NWD2: variants seen among roughly 807,000 people sequenced by gnomAD.
The protein encoded by NWD2 is NACHT and WD repeat domain-containing protein 2.
In NWD2, 37 loss-of-function variants were observed where a neutral mutation model predicts 132.7. The observed-to-expected ratio is 0.28, with a 90% CI of 0.21 to 0.37. The LOEUF is 0.37. NWD2 is among the 10% of genes least tolerant of loss of function. The pLI, the probability that NWD2 is intolerant of heterozygous loss-of-function variation, is 1.00. For missense variants in NWD2, 1,592 were observed against 2,122.4 expected, an observed-to-expected ratio of 0.75 and a Z score of 4.91; for synonymous variants, 705 against 803.0, an observed-to-expected ratio of 0.88 and a Z score of 2.06.
chr4:37,356,346 C>A lies in NWD2; in HGVS notation c.241-20C>A. The stretch of plus-strand genomic sequence containing the variant: ...CAAAGCCCACATGTAAACTAATGCT[C>A]TTCATCCATCTGTCCCCAGGTCATA... On this transcript the variant is annotated intron_variant, in intron 2 of 6. Transcript: ENST00000309447. 7.5e-7 allele frequency: 1 copy of A among 1,338,866 alleles called. No individual in the cohort carries two copies. Among genetic ancestry groups the A allele is most frequent in the Non-Finnish European group, 1.0e-6 (1 of 974,184 alleles). The allele number at this position is 1,338,866 out of a possible 1,614,324, so 82.9% of individuals were successfully genotyped here.
chr4:37,375,828 A>G (rs1335120712), intron 3 of NWD2, among the ~76,000 whole-genome samples: 1 of 152,186 alleles, frequency 6.6e-6, no homozygotes, highest in Middle Eastern at 3.4e-3. Context: ...CGGCCTCCCA[A>G]AGTGCTGGGA....
In NWD2 at chr4:37,445,988, C is replaced by G; in HGVS notation, c.4000C>G (p.Leu1334Val). Residue 1334 changes from leucine to valine, a missense_variant, in exon 7 of 7, where the codon CTG becomes GTG. Leu to Val is a conservative substitution (Grantham distance 32). This residue lies in a region of NWD2 where 1,071 missense variants were observed against 1,398.0 expected (regional missense o/e 0.77). Transcript: ENST00000309447. This position sits in a 1 kb window ranked among gnomAD's most constrained non-coding sequence, Gnocchi z 4.7. ...LPARGEIIYS[L>V]DGSDCVHKWN... The stretch of plus-strand genomic sequence containing the variant: ...TGCTAGAGGGGAAATCATTTACTCC[C>G]TGGATGGATCCGATTGTGTTCATAA... 6.4e-7 allele frequency: 1 copy of G among 1,551,678 alleles called. No individual in the cohort carries two copies. Among genetic ancestry groups the G allele is most frequent in the Non-Finnish European group, 8.7e-7 (1 of 1,147,000 alleles).
intron 1 of NWD2, among the ~76,000 whole-genome samples, chr4:37,290,624 C>G (rs1718339676): frequency 6.6e-6 from 1 of 152,090 alleles, no homozygotes; most frequent in Non-Finnish European, 1.5e-5. Context: ...AGTAGTTAGA[C>G]CACAGATGTG....
chr4:37,439,446 G>T lies in NWD2; in HGVS notation c.1296+56G>T. On this transcript the variant is annotated intron_variant, in intron 6 of 6. Transcript: ENST00000309447. The surrounding 1 kb of genome is among the most constrained non-coding windows in gnomAD (Gnocchi z 4.5). ...GTAAAAACTTGTACTTTTGGAAAATGGTAAATTAATCAAATTCATTTCTAC... is the reference window on the plus strand; with the variant it reads ...GTAAAAACTTGTACTTTTGGAAAATTGTAAATTAATCAAATTCATTTCTAC... 3 of 1,162,162 alleles carry T rather than the reference G, an allele frequency of 2.6e-6. No individual in the cohort carries two copies. The highest frequency in any genetic ancestry group is 2.6e-5 in the East Asian group (1 of 38,144). The allele number at this position is 1,162,162 out of a possible 1,614,324, so 72.0% of individuals were successfully genotyped here.
intron 1 of NWD2, among the ~76,000 whole-genome samples, chr4:37,248,575 T>A (rs1717290545): frequency 6.6e-6 from 1 of 152,234 alleles, no homozygotes; most frequent in South Asian, 2.1e-4. Flanking sequence ...GTCATTTAGC[T>A]ACTGTACTTC....
intron 1 of NWD2, among the ~76,000 whole-genome samples, chr4:37,275,451 T>G (rs1298727206): frequency 6.6e-6 from 1 of 152,034 alleles, no homozygotes; most frequent in Admixed American, 6.6e-5. Flanking sequence ...AGAAGAACAC[T>G]CCATGCTCAT....
At chr4:37,273,881 A>C (rs1165364847) in intron 1 of NWD2, among the ~76,000 whole-genome samples, 1 of 152,164 alleles carries the variant, frequency 6.6e-6, no homozygotes, top group Non-Finnish European at 1.5e-5. Flanking sequence ...TTTGAAACCA[A>C]CGAGAAAAAA....
intron 1 of NWD2, among the ~76,000 whole-genome samples, chr4:37,325,689 G>A (rs959693431): frequency 1.3e-5 from 2 of 152,080 alleles, no homozygotes; most frequent in South Asian, 2.1e-4. Context: ...TAAATTCTCA[G>A]CCCTGCCAGC....
chr4:37,319,785 G>T (rs1392180608), intron 1 of NWD2, among the ~76,000 whole-genome samples: 2 of 152,166 alleles, frequency 1.3e-5, no homozygotes, highest in African/African-American at 4.8e-5. Flanking sequence ...GATATCTGTA[G>T]TTGTGCAGCT....
chr4:37,375,326 T>C (rs539124728), intron 3 of NWD2, among the ~76,000 whole-genome samples: 1 of 152,336 alleles, frequency 6.6e-6, no homozygotes, highest in South Asian at 2.1e-4. Flanking sequence ...ATCTCATCAT[T>C]CAAAAATTAT....
intron 5 of NWD2, among the ~76,000 whole-genome samples, chr4:37,436,399 CT>C (rs1368733098): frequency 6.6e-6 from 1 of 152,092 alleles, no homozygotes; most frequent in African/African-American, 2.4e-5. Flanking sequence ...TATCATAGCT[CT>C]CATTTATTTA....
chr4:37,414,840 TCTTTA>T (rs1320813226), intron 3 of NWD2, among the ~76,000 whole-genome samples: 4 of 152,228 alleles, frequency 2.6e-5, no homozygotes, highest in Admixed American at 2.6e-4. Flanking sequence ...CCTTCCAATT[TCTTTA>T]CTTATATTAA....
intron 3 of NWD2, among the ~76,000 whole-genome samples, chr4:37,377,930 T>G (rs1253439633): frequency 2.0e-5 from 3 of 152,116 alleles, no homozygotes; most frequent in Non-Finnish European, 2.9e-5. Flanking sequence ...GTATGTGAAG[T>G]GATGGATTTT....
intron 3 of NWD2, among the ~76,000 whole-genome samples, chr4:37,403,222 C>T (rs56699136): frequency 0.047 from 7,226 of 152,206 alleles, 282 homozygotes; most frequent in East Asian, 0.11. Context: ...CAGACAAGGA[C>T]CCTTCATTCT....
At chr4:37,301,943 T>C (rs1718620028) in intron 1 of NWD2, among the ~76,000 whole-genome samples, 1 of 152,076 alleles carries the variant, frequency 6.6e-6, no homozygotes, top group African/African-American at 2.4e-5. Context: ...TCAAGGTAAT[T>C]AGCATATCCC....
chr4:37,272,956 T>C (rs1448449124), intron 1 of NWD2, among the ~76,000 whole-genome samples: 1 of 151,804 alleles, frequency 6.6e-6, no homozygotes, highest in East Asian at 1.9e-4. Context: ...TTAGGTGATG[T>C]GCTCTCTAAA....
At chr4:37,431,597 G>T (rs1225106063) in intron 4 of NWD2, among the ~76,000 whole-genome samples, 3 of 152,110 alleles carry the variant, frequency 2.0e-5, no homozygotes, top group African/African-American at 7.2e-5. Context: ...CCTGAAATTG[G>T]CTGAGAGAGC....
intron 1 of NWD2, among the ~76,000 whole-genome samples, chr4:37,324,862 A>G (rs1266742241): frequency 6.6e-6 from 1 of 152,198 alleles, no homozygotes; most frequent in Admixed American, 6.6e-5. Context: ...GTAGGTCAAC[A>G]CGGCATATGG....
chr4:37,437,249 A>C (rs1342514731), intron 5 of NWD2, among the ~76,000 whole-genome samples: 3 of 152,078 alleles, frequency 2.0e-5, no homozygotes, highest in African/African-American at 7.2e-5. Context: ...AGATCAAAGC[A>C]CCTGCAGATT....
Sources: gnomAD v4.1 joint callset for allele counts (sites outside exome capture counted in the v4.1 genomes callset) on GRCh38, gnomAD v4.1.1 for gene constraint, gnomAD v4.1.1 regional missense constraint, Gnocchi (gnomAD v3.1) non-coding constraint, MANE v1.5 for transcripts, NCBI Gene and HGNC (gene_info 2026-07-23, HGNC 2026-07-21) for gene names.